The following HAPLN1 variants were observed in gnomAD, a reference collection of about 807,000 sequenced individuals.
HAPLN1 encodes the protein hyaluronan and proteoglycan link protein 1.
In HAPLN1, 13 loss-of-function variants were observed where a neutral mutation model predicts 36.5. That is an observed-to-expected ratio of 0.36 (90% CI 0.23 to 0.57). The LOEUF is 0.57. Ranked by LOEUF, HAPLN1 falls within the 20% of genes least tolerant of loss-of-function variation. HAPLN1 has a pLI of 0.83. For synonymous variants in HAPLN1, 202 were observed against 169.8 expected, an observed-to-expected ratio of 1.19 and a Z score of -1.48; for missense variants, 407 against 439.7, an observed-to-expected ratio of 0.93 and a Z score of 0.66.
chr5:83,657,042 G>A (rs1750237164), intron 2 of HAPLN1, among the ~76,000 whole-genome samples: 1 of 151,114 alleles, frequency 6.6e-6, no homozygotes, highest in Admixed American at 6.6e-5. Context: ...AAATCTAGGT[G>A]ATAGAAAAAA....
At chr5:83,645,398 A>C (rs1275978805) in intron 3 of HAPLN1, among the ~76,000 whole-genome samples, 1 of 151,904 alleles carries the variant, frequency 6.6e-6, no homozygotes, top group African/African-American at 2.4e-5. Flanking sequence ...ACAGCTCTAA[A>C]TGCAGCCCAA....
chr5:83,713,616 T>C (rs1434368286), intron 1 of HAPLN1, among the ~76,000 whole-genome samples: 1 of 152,202 alleles, frequency 6.6e-6, no homozygotes, highest in Non-Finnish European at 1.5e-5. Flanking sequence ...ACTTAAGAAA[T>C]GTGCATTCAA....
intron 1 of HAPLN1, among the ~76,000 whole-genome samples, chr5:83,695,704 A>C (rs1314714451): frequency 6.7e-6 from 1 of 149,496 alleles, no homozygotes; most frequent in Admixed American, 6.7e-5. Flanking sequence ...ATACAGGAAA[A>C]GTATTTCACA....
intron 1 of HAPLN1, among the ~76,000 whole-genome samples, chr5:83,709,357 C>T (rs1198478656): frequency 6.6e-6 from 1 of 152,154 alleles, no homozygotes; most frequent in African/African-American, 2.4e-5. Context: ...TCACATAAAG[C>T]CTATGTCTGA....
chr5:83,665,811 A>C (rs576121097), intron 2 of HAPLN1, among the ~76,000 whole-genome samples: 1 of 152,308 alleles, frequency 6.6e-6, no homozygotes, highest in South Asian at 2.1e-4. Flanking sequence ...GAGCATGTAA[A>C]TATTACTCCA....
rs1751643379 is a variant in HAPLN1, at chr5:83,706,115, A to C, written c.-27+14674T>G. Among the ~76,000 whole-genome samples, 3 of 151,618 alleles carry C rather than the reference A, an allele frequency of 2.0e-5. No individual in the cohort carries two copies. The South Asian group carries it at 6.2e-4, about 32-fold the overall frequency. On this transcript the variant is annotated intron_variant, in intron 1 of 4. Coordinates refer to ENST00000274341, the MANE Select transcript of HAPLN1 (RefSeq NM_001884.4). ...ATAGCCTACCAATCGAAAAAAAAAA[A>C]AAACAAAAGCCCAGGGCCAAATGAA...
At chr5:83,657,533 G>T (rs1750255213) in intron 2 of HAPLN1, among the ~76,000 whole-genome samples, 2 of 152,036 alleles carry the variant, frequency 1.3e-5, no homozygotes, top group Admixed American at 6.5e-5. Context: ...CGGTTGTCAG[G>T]GGCTTCCTCG....
In HAPLN1 at chr5:83,646,897, A is replaced by G. The variant is rs1394959858; in HGVS notation, c.473-2232T>C. Among the ~76,000 whole-genome samples the G allele has an allele frequency of 2.0e-5, 3 of 152,252 alleles. No homozygotes were observed. The East Asian group carries it at 5.8e-4, about 29-fold the overall frequency. ...GATTTATTCAGTAGAGATTCCTTTT[A>G]GCTAGATCTTAAGTGACAGAAAATC... is the stretch of plus-strand genomic sequence containing the variant. On this transcript the variant is annotated intron_variant, in intron 3 of 4. Transcript: ENST00000274341.
intron 4 of HAPLN1, among the ~76,000 whole-genome samples, chr5:83,643,420 G>A (rs1027901158): frequency 2.0e-5 from 3 of 147,774 alleles, no homozygotes; most frequent in Middle Eastern, 3.3e-3. Context: ...TTTTCCCAAA[G>A]CATGTCACCA....
intron 1 of HAPLN1, among the ~76,000 whole-genome samples, chr5:83,701,068 T>A (rs1404559455): frequency 6.6e-6 from 1 of 152,210 alleles, no homozygotes; most frequent in Non-Finnish European, 1.5e-5. Flanking sequence ...AGTTTTCCTT[T>A]TAGTCTTATA....
intron 1 of HAPLN1, among the ~76,000 whole-genome samples, chr5:83,691,173 C>T (rs1580153808): frequency 6.6e-6 from 1 of 152,136 alleles, no homozygotes; most frequent in East Asian, 1.9e-4. Context: ...AGGAACCTAC[C>T]TAGAGCCTGT....
intron 1 of HAPLN1, among the ~76,000 whole-genome samples, chr5:83,688,510 G>A (rs184111872): frequency 6.6e-5 from 10 of 152,272 alleles, no homozygotes; most frequent in South Asian, 6.2e-4. Context: ...AAACACTAGC[G>A]TAATTGCCAA....
chr5:83,672,458 T>C (rs1482583960), intron 2 of HAPLN1, among the ~76,000 whole-genome samples: 1 of 152,196 alleles, frequency 6.6e-6, no homozygotes, highest in Non-Finnish European at 1.5e-5. Context: ...CTAAAAGAGA[T>C]GTGTCTAAAA....
At chr5:83,666,083 T>G (rs575116180) in intron 2 of HAPLN1, among the ~76,000 whole-genome samples, 1 of 152,206 alleles carries the variant, frequency 6.6e-6, no homozygotes, top group Non-Finnish European at 1.5e-5. Context: ...CGATTTCATT[T>G]TCTCCCTAGA....
rs762610166 is a variant in HAPLN1 at position 83,673,556 on chromosome 5, G to C, written c.-26-7C>G. The C allele has an allele frequency of 6.8e-7, 1 of 1,473,214 alleles. No homozygotes were observed. Among genetic ancestry groups the C allele is most frequent in the Non-Finnish European group, 9.5e-7 (1 of 1,052,338 alleles). 91.3% of individuals were successfully genotyped at this position (1,473,214 alleles called of 1,614,324 possible). On this transcript the variant is annotated splice_polypyrimidine_tract_variant and splice_region_variant and intron_variant, in intron 1 of 4. Transcript: ENST00000274341. Reference sequence around the variant, plus strand: ...GCCCAAAGAATCTTCTTCACTGCGAGAGCATCACATACAAAGAGGCTTGTG... The same window carrying C: ...GCCCAAAGAATCTTCTTCACTGCGACAGCATCACATACAAAGAGGCTTGTG...
At chr5:83,650,167 C>T (rs141412076) in intron 3 of HAPLN1, among the ~76,000 whole-genome samples, 1 of 152,156 alleles carries the variant, frequency 6.6e-6, no homozygotes, top group Non-Finnish European at 1.5e-5. Context: ...TCTTACAAAC[C>T]CTTAAATCAC....
Position 83,676,427 on chromosome 5 carries a change from C to T in HAPLN1, c.-26-2878G>A, listed in dbSNP as rs557157073. On this transcript the variant is annotated intron_variant, in intron 1 of 4. Transcript: ENST00000274341. The stretch of plus-strand genomic sequence containing the variant: ...TTGTTACTCTGGTAAGCACAACAAC[C>T]ATCTCACCAGTAGACATGAAACTAG... 7.9e-5 allele frequency among the ~76,000 whole-genome samples: 12 copies of T among 152,238 alleles called. 1 individual carries two copies. The South Asian group carries it at 2.5e-3, about 32-fold the overall frequency.
At chr5:83,658,329 T>C (rs543973805) in intron 2 of HAPLN1, among the ~76,000 whole-genome samples, 1 of 152,294 alleles carries the variant, frequency 6.6e-6, no homozygotes, top group East Asian at 1.9e-4. Context: ...GCCTTGTTTA[T>C]GTTGTTTCTC....
chr5:83,651,509 T>C (rs760225916), intron 3 of HAPLN1, among the ~76,000 whole-genome samples: 2 of 135,334 alleles, frequency 1.5e-5, no homozygotes, highest in Non-Finnish European at 3.2e-5. Context: ...TACGATGTTG[T>C]GCAATTTATT....
Sources: gnomAD v4.1 joint callset for allele counts (sites outside exome capture counted in the v4.1 genomes callset) on GRCh38, gnomAD v4.1.1 for gene constraint, MANE v1.5 for transcripts, NCBI Gene and HGNC (gene_info 2026-07-23, HGNC 2026-07-21) for gene names.